MTREX: variants seen among roughly 807,000 people sequenced by gnomAD.
MTREX encodes the protein exosome RNA helicase MTR4.
Under a neutral mutation model 135.4 loss-of-function variants are expected in MTREX, and 76 were observed. The ratio of observed to expected loss-of-function variants is 0.56; its 90% CI spans 0.47 to 0.68. The LOEUF (loss-of-function observed/expected upper bound fraction) is 0.68, where lower values mean the gene tolerates loss of function less well. Among genes scored for constraint, MTREX ranks in the 30% least tolerant of loss-of-function variants. The probability of loss-of-function intolerance (pLI) is 0.00; values close to 1 mark genes in which losing one functional copy is unlikely to be tolerated. For missense variants in MTREX, 920 were observed against 1,262.1 expected, an observed-to-expected ratio of 0.73 and a Z score of 4.11; for synonymous variants, 404 against 401.6, an observed-to-expected ratio of 1.01 and a Z score of -0.07.
intron 3 of MTREX, among the ~76,000 whole-genome samples, chr5:55,326,548 C>T (rs978330543): frequency 1.3e-5 from 2 of 152,150 alleles, no homozygotes; most frequent in Non-Finnish European, 1.5e-5. Flanking sequence ...TCTTCACAGG[C>T]TTGAGGATAT....
At position 55,425,176 on chromosome 5, in the gene MTREX, G is replaced by A. The variant is rs985848060; in HGVS notation, c.*404G>A. The A allele has an allele frequency of 3.1e-6, 5 of 1,596,836 alleles. No homozygotes were observed. The Admixed American group carries it at 9.3e-5, about 30-fold the overall frequency. ...GCAATCATTTTCCTTTAGAAAACAG[G>A]CCAGCTTCACCTGGGCACCCTGCTG... is the stretch of plus-strand genomic sequence containing the variant. On this transcript the variant is annotated 3_prime_UTR_variant, in exon 27 of 27. Transcript: ENST00000230640.
At chr5:55,354,640 G>A (rs1749880858) in intron 14 of MTREX, among the ~76,000 whole-genome samples, 1 of 139,974 alleles carries the variant, frequency 7.1e-6, no homozygotes, top group East Asian at 2.1e-4. Context: ...GACATTTCTG[G>A]GCCAGAACTT....
chr5:55,371,457 T>C (rs1225231991), intron 16 of MTREX, among the ~76,000 whole-genome samples: 1 of 152,122 alleles, frequency 6.6e-6, no homozygotes, highest in Non-Finnish European at 1.5e-5. Context: ...AGGAAGAAAT[T>C]GGTTGCAAGC....
rs1751151885 is a variant in MTREX, at chr5:55,425,347, A to AT, written c.*576dup. 6.3e-7 allele frequency: 1 copy of AT among 1,579,564 alleles called. No individual in the cohort carries two copies. Among genetic ancestry groups the AT allele is most frequent in the Non-Finnish European group, 8.6e-7 (1 of 1,156,070 alleles). ...ATACATATACAGCCTACAGTGCAAA[A>AT]TATTTAATGGTATAATTTAGATCAA... On this transcript the variant is annotated 3_prime_UTR_variant, in exon 27 of 27. Coordinates refer to ENST00000230640, the MANE Select transcript of MTREX (RefSeq NM_015360.5).
intron 19 of MTREX, among the ~76,000 whole-genome samples, chr5:55,388,820 C>A (rs1274161254): frequency 6.6e-6 from 1 of 152,166 alleles, no homozygotes; most frequent in Non-Finnish European, 1.5e-5. Context: ...TAGTTAAAAT[C>A]ATTTAATTTA....
intron 3 of MTREX, 149 bp downstream of exon 3, chr5:55,324,347 T>C (rs927257977): frequency 2.4e-6 from 1 of 411,274 alleles, no homozygotes; most frequent in Non-Finnish European, 4.3e-6. Context: ...GAGTTGGGGC[T>C]TTGTAATTAA....
At chr5:55,411,091 A>C (rs1489997447) in intron 23 of MTREX, among the ~76,000 whole-genome samples, 1 of 152,212 alleles carries the variant, frequency 6.6e-6, no homozygotes, top group African/African-American at 2.4e-5. Flanking sequence ...GAGGTAGTGA[A>C]TATAAGATCC....
chr5:55,359,910 G>C (rs1285816843), intron 15 of MTREX, among the ~76,000 whole-genome samples: 2 of 152,006 alleles, frequency 1.3e-5, no homozygotes, highest in African/African-American at 4.8e-5. Flanking sequence ...ACCTTTCATT[G>C]CATTTTTAAA....
Position 55,369,131 on chromosome 5 carries a change from TTAAAAA to T in MTREX, c.1810+2266_1810+2271del, listed in dbSNP as rs1398041537. Among the ~76,000 whole-genome samples the T allele has an allele frequency of 4.6e-5, 7 of 151,696 alleles. No homozygotes were observed. The East Asian group carries it at 1.2e-3, about 25-fold the overall frequency. The stretch of plus-strand genomic sequence containing the variant: ...TAATAATAAATTTTATTTTATTTTA[TTAAAAA>T]TAAAAATAATAAAGATGAACAAGGT... On this transcript the variant is annotated intron_variant, in intron 16 of 26. Transcript: ENST00000230640.
chr5:55,358,960 C>T (rs1349389309), intron 15 of MTREX, among the ~76,000 whole-genome samples: 1 of 152,162 alleles, frequency 6.6e-6, no homozygotes, highest in Admixed American at 6.5e-5. Flanking sequence ...TTACTTTGTC[C>T]TCCAAATTTA....
Position 55,397,519 on chromosome 5 carries a change from C to T in MTREX, c.2285C>T (p.Ser762Leu). ...PVDNRQSVLK[S>L]IQEVQKRFPD... ...GACAATAGACAGAGTGTTTTAAAATCAATACAGGTATGTGTTAATTTCATA... is the reference window on the plus strand; with the variant it reads ...GACAATAGACAGAGTGTTTTAAAATTAATACAGGTATGTGTTAATTTCATA... Residue 762 changes from serine (S) to leucine (L), a missense_variant, in exon 20 of 27, where the codon TCA becomes TTA. Transcript: ENST00000230640. The T allele has an allele frequency of 6.3e-7, 1 of 1,585,464 alleles. No individual in the cohort carries two copies. The highest frequency in any genetic ancestry group is 1.1e-5 in the South Asian group (1 of 89,298).
At chr5:55,320,550 G>A (rs1749272839) in intron 1 of MTREX, among the ~76,000 whole-genome samples, 1 of 152,164 alleles carries the variant, frequency 6.6e-6, no homozygotes, top group Non-Finnish European at 1.5e-5. Context: ...AAAGAAAAGT[G>A]TGCAGATTAT....
At chr5:55,319,283 A>C (rs1246705412) in intron 1 of MTREX, among the ~76,000 whole-genome samples, 1 of 152,210 alleles carries the variant, frequency 6.6e-6, no homozygotes, top group Non-Finnish European at 1.5e-5. Context: ...CAATTGCTTT[A>C]ATGTCCTTTA....
At chr5:55,403,663 A>G (rs140117850) in intron 21 of MTREX, among the ~76,000 whole-genome samples, 24 of 152,288 alleles carry the variant, frequency 1.6e-4, no homozygotes, top group Non-Finnish European at 3.2e-4. Context: ...CTAAAAAACA[A>G]TGGTTTGTTC....
At chr5:55,349,484 TG>T in intron 11 of MTREX, 88 bp from the exon 12 acceptor site, 1 of 766,136 alleles carries the variant, frequency 1.3e-6, no homozygotes, top group Non-Finnish European at 2.3e-6. Flanking sequence ...ACACCACGCC[TG>T]GCCTTTAGAT....
In MTREX at chr5:55,390,562, C is replaced by T. The variant is rs539412701; in HGVS notation, c.2181+2460C>T. 2.6e-5 allele frequency among the ~76,000 whole-genome samples: 4 copies of T among 152,272 alleles called. No individual in the cohort carries two copies. The East Asian group carries it at 7.7e-4, about 29-fold the overall frequency. ...ACAGAGGTGAACAGTTTAGTGTGTT[C>T]TAAAGATCACTTGCAGTTTTGACAC... is the stretch of plus-strand genomic sequence containing the variant. On this transcript the variant is annotated intron_variant, in intron 19 of 26. Transcript: ENST00000230640.
intron 16 of MTREX, among the ~76,000 whole-genome samples, chr5:55,372,488 C>A (rs1030637247): frequency 6.6e-6 from 1 of 152,110 alleles, no homozygotes; most frequent in Admixed American, 6.5e-5. Flanking sequence ...CTGTGTCTTT[C>A]ATCAGTCCCT....
At chr5:55,415,895 C>A in intron 24 of MTREX, 75 bp from the exon 25 acceptor site, 1 of 1,080,026 alleles carries the variant, frequency 9.3e-7, no homozygotes, top group Non-Finnish European at 1.3e-6. Flanking sequence ...TCCTGGAATA[C>A]TGGCTTGGAA....
intron 6 of MTREX, among the ~76,000 whole-genome samples, chr5:55,341,358 A>G (rs933357129): frequency 6.6e-6 from 1 of 152,136 alleles, no homozygotes; most frequent in Admixed American, 6.5e-5. Flanking sequence ...TATAGAAGGA[A>G]GTTGCATCAT....
Sources: gnomAD v4.1 joint callset for allele counts (sites outside exome capture counted in the v4.1 genomes callset) on GRCh38, gnomAD v4.1.1 for gene constraint, MANE v1.5 for transcripts, NCBI Gene and HGNC (gene_info 2026-07-23, HGNC 2026-07-21) for gene names.